Variants in PLEKHM2 observed in about 807,000 individuals in gnomAD.
PLEKHM2 encodes the protein pleckstrin homology and RUN domain containing M2.
PLEKHM2 carries 77 observed loss-of-function variants against 116.3 expected under a neutral mutation model. The observed-to-expected ratio is 0.66, with a 90% CI of 0.55 to 0.80. The LOEUF is 0.80. PLEKHM2 is among the 30% of genes least tolerant of loss of function. PLEKHM2 has a pLI of 0.00. For synonymous variants in PLEKHM2, 562 were observed against 571.0 expected (o/e 0.98, Z 0.22); for missense variants, 1,183 against 1,354.9 (o/e 0.87, Z 1.99).
intron 19 of PLEKHM2, among the ~76,000 whole-genome samples, chr1:15,733,149 G>C (rs370283574): frequency 6.6e-6 from 1 of 152,256 alleles, no homozygotes; most frequent in Admixed American, 6.5e-5. Flanking sequence ...AGAGGCCAAG[G>C]TGGGCATGTT....
intron 1 of PLEKHM2, among the ~76,000 whole-genome samples, chr1:15,714,633 A>G (rs915742161): frequency 1.3e-5 from 2 of 152,200 alleles, no homozygotes; most frequent in Non-Finnish European, 2.9e-5. Context: ...TGGGAGCTGA[A>G]TTGTTGGTCT....
intron 1 of PLEKHM2, among the ~76,000 whole-genome samples, chr1:15,703,107 G>A (rs952249428): frequency 2.0e-5 from 3 of 152,298 alleles, no homozygotes; most frequent in Admixed American, 6.5e-5. Context: ...ACACTCTTGT[G>A]TAAATAACGT....
Position 15,729,490 on chromosome 1 carries a change from G to A in PLEKHM2, c.2075+300G>A, listed in dbSNP as rs776108743. Among the ~76,000 whole-genome samples, 5 of 152,182 alleles carry A rather than the reference G, an allele frequency of 3.3e-5. No individual in the cohort carries two copies. The highest frequency in any genetic ancestry group is 7.4e-5 in the Non-Finnish European group (5 of 68,024). ...TGCTGGGCCAGGCGTGCCCTTGAAC[G>A]CCTGCATCCTTGTCGTGGCTCAAGG... is the stretch of plus-strand genomic sequence containing the variant. On this transcript the variant is annotated intron_variant, in intron 13 of 19. Coordinates refer to ENST00000375799, the MANE Select transcript of PLEKHM2 (RefSeq NM_015164.4). The surrounding 1 kb of genome is among the most constrained non-coding windows in gnomAD (Gnocchi z 4.7).
rs2068088829 is a variant in PLEKHM2, at chr1:15,728,007, C to T, written c.1761-72C>T. 2.2e-6 allele frequency: 3 copies of T among 1,347,042 alleles called. No homozygotes were observed. Among genetic ancestry groups the T allele is most frequent in the Non-Finnish European group, 3.1e-6 (3 of 956,670 alleles). 83.4% of individuals were successfully genotyped at this position (1,347,042 alleles called of 1,614,324 possible). ...GGGAGGCGGAGGCACTACCCCCTGG[C>T]TCTGGGGTGGGGTGTGGCCTCTCTC... On this transcript the variant is annotated intron_variant, in intron 9 of 19. Coordinates refer to ENST00000375799, the MANE Select transcript of PLEKHM2 (RefSeq NM_015164.4). The surrounding 1 kb of genome is among the most constrained non-coding windows in gnomAD (Gnocchi z 5.9).
At chr1:15,732,227 CGATCCCTGGAGGGA>C (rs1553161682) in intron 17 of PLEKHM2, 109 bp from the exon 18 acceptor site, 21 of 999,400 alleles carry the variant, frequency 2.1e-5, no homozygotes, top group East Asian at 5.2e-5. Flanking sequence ...CCTCTGCTCC[CGATCCCTGGAGGGA>C]GATCCCTGGA....
Position 15,719,956 on chromosome 1 carries a change from T to C in PLEKHM2, c.652+36T>C, listed in dbSNP as rs2067967918. The C allele has an allele frequency of 6.4e-7, 1 of 1,559,434 alleles. No individual in the cohort carries two copies. Among genetic ancestry groups the C allele is most frequent in the Non-Finnish European group, 8.8e-7 (1 of 1,140,690 alleles). On this transcript the variant is annotated intron_variant, in intron 6 of 19. Coordinates refer to ENST00000375799, the MANE Select transcript of PLEKHM2 (RefSeq NM_015164.4). The surrounding 1 kb of genome is among the most constrained non-coding windows in gnomAD (Gnocchi z 4.1). ...CCAGGGCAGAAAAGCTAAGCCCCTG[T>C]TGTGAAACAGACTTGAACTGCTTAA...
At chr1:15,722,388 C>T (rs527260934) in intron 7 of PLEKHM2, among the ~76,000 whole-genome samples, 1 of 152,336 alleles carries the variant, frequency 6.6e-6, no homozygotes, top group South Asian at 2.1e-4. Context: ...AGGTGATCCA[C>T]CCCACCTCAT....
In PLEKHM2 at chr1:15,731,873, T is replaced by G. The variant is rs1414950726; in HGVS notation, c.2466-16T>G. 6.2e-7 allele frequency: 1 copy of G among 1,605,904 alleles called. No individual in the cohort carries two copies. The highest frequency in any genetic ancestry group is 1.1e-5 in the South Asian group (1 of 90,130). ...TTGCCTCCTCGCTCCCGTTTCACCC[T>G]CCTCCTCTGGCCCAGGGGGGAGCAG... On this transcript the variant is annotated splice_polypyrimidine_tract_variant and intron_variant, in intron 16 of 19. Transcript: ENST00000375799.
Position 15,719,001 on chromosome 1 carries a change from A to G in PLEKHM2, c.465+376A>G, listed in dbSNP as rs902462785. Among the ~76,000 whole-genome samples, 1 of 152,168 alleles carries G rather than the reference A, an allele frequency of 6.6e-6. No individual in the cohort carries two copies. The highest frequency in any genetic ancestry group is 1.5e-5 in the Non-Finnish European group (1 of 68,026). ...GGTTCTGAAAAGTGTCATCAGCTCC[A>G]TGAAGAGCCTTCAGCCACCCTCTTC... On this transcript the variant is annotated intron_variant, in intron 5 of 19. Transcript: ENST00000375799. The surrounding 1 kb of genome is among the most constrained non-coding windows in gnomAD (Gnocchi z 4.1).
chr1:15,729,219 G>A lies in PLEKHM2; in HGVS notation c.2075+29G>A. The A allele has an allele frequency of 6.3e-7, 1 of 1,589,246 alleles. No individual in the cohort carries two copies. The highest frequency in any genetic ancestry group is 8.6e-7 in the Non-Finnish European group (1 of 1,165,296). Reference sequence around the variant, plus strand: ...AGTGGCAACCCCGCCCCTCTGGAAGGATTGGAGAGTTCGCAGCCGCCCATA... The same window carrying A: ...AGTGGCAACCCCGCCCCTCTGGAAGAATTGGAGAGTTCGCAGCCGCCCATA... On this transcript the variant is annotated intron_variant, in intron 13 of 19. Coordinates refer to ENST00000375799, the MANE Select transcript of PLEKHM2 (RefSeq NM_015164.4). This position sits in a 1 kb window ranked among gnomAD's most constrained non-coding sequence, Gnocchi z 4.7.
Position 15,707,724 on chromosome 1 carries a change from T to A in PLEKHM2, c.61-8513T>A, listed in dbSNP as rs555981695. ...CTTTTTTTAAAACTGACAAGACACATCCTCACTCGGGAGATGCCAGTGTGG... is the reference window on the plus strand; with the variant it reads ...CTTTTTTTAAAACTGACAAGACACAACCTCACTCGGGAGATGCCAGTGTGG... On this transcript the variant is annotated intron_variant, in intron 1 of 19. Transcript: ENST00000375799. Among the ~76,000 whole-genome samples the A allele has an allele frequency of 2.6e-5, 4 of 152,148 alleles. No individual in the cohort carries two copies. The South Asian group carries it at 8.3e-4, about 32-fold the overall frequency.
At chr1:15,700,432 G>T (rs1051112901) in intron 1 of PLEKHM2, among the ~76,000 whole-genome samples, 3 of 152,144 alleles carry the variant, frequency 2.0e-5, no homozygotes, top group African/African-American at 7.2e-5. Flanking sequence ...GTAGGACGCT[G>T]GCCAGAGCTA....
At chr1:15,714,549 G>C (rs188382751) in intron 1 of PLEKHM2, among the ~76,000 whole-genome samples, 3 of 152,248 alleles carry the variant, frequency 2.0e-5, no homozygotes, top group Non-Finnish European at 4.4e-5. Context: ...GACCCTGCAG[G>C]ACTGAGGTTT....
At position 15,719,303 on chromosome 1, in the gene PLEKHM2, T is replaced by C. The variant is rs1571054133; in HGVS notation, c.466-431T>C. 4.6e-5 allele frequency among the ~76,000 whole-genome samples: 7 copies of C among 152,036 alleles called. No homozygotes were observed. In the East Asian group the frequency reaches 1.4e-3, roughly 29 times the overall value. ...CGTCTCTACTAAAAAAATACAAAAG[T>C]TAGCGGGGTGTGGTGATGGGCGCCT... On this transcript the variant is annotated intron_variant, in intron 5 of 19. Coordinates refer to ENST00000375799, the MANE Select transcript of PLEKHM2 (RefSeq NM_015164.4). The surrounding 1 kb of genome is among the most constrained non-coding windows in gnomAD (Gnocchi z 4.1).
Position 15,721,319 on chromosome 1 carries a change from G to A in PLEKHM2, c.653-10G>A, listed in dbSNP as rs570990579. On this transcript the variant is annotated splice_polypyrimidine_tract_variant and intron_variant, in intron 6 of 19. Coordinates refer to ENST00000375799, the MANE Select transcript of PLEKHM2 (RefSeq NM_015164.4). The surrounding 1 kb of genome is among the most constrained non-coding windows in gnomAD (Gnocchi z 5.1). ...TTTCTAATCTTCAGTTTTGTCCCTC[G>A]TTTTTGTAGATTATGATTTTGGAGA... is the stretch of plus-strand genomic sequence containing the variant. 3.2e-6 allele frequency: 5 copies of A among 1,547,030 alleles called. No individual in the cohort carries two copies. The highest frequency in any genetic ancestry group is 4.4e-6 in the Non-Finnish European group (5 of 1,141,760).
At position 15,717,823 on chromosome 1, in the gene PLEKHM2, G is replaced by A; in HGVS notation, c.278-70G>A. On this transcript the variant is annotated intron_variant, in intron 3 of 19. Coordinates refer to ENST00000375799, the MANE Select transcript of PLEKHM2 (RefSeq NM_015164.4). ...TACCTGCTCTTTCTTTCCTTTCTGC[G>A]CTTGCTTGGCAAATAAAAGCCAGCA... 5 of 974,924 alleles carry A rather than the reference G, an allele frequency of 5.1e-6. No individual in the cohort carries two copies. In the South Asian group the frequency reaches 5.6e-5, roughly 11 times the overall value. 60.4% of individuals were successfully genotyped at this position (974,924 alleles called of 1,614,324 possible). A position where few individuals can be genotyped will look rare whatever the true frequency, so the allele number is the denominator to read the frequency against.
intron 1 of PLEKHM2, among the ~76,000 whole-genome samples, chr1:15,710,352 G>A (rs951565809): frequency 6.6e-6 from 1 of 151,974 alleles, no homozygotes; most frequent in African/African-American, 2.4e-5. Flanking sequence ...ATTTGAAACG[G>A]AGTCTCACTC....
intron 19 of PLEKHM2, 129 bp from the exon 20 acceptor site, chr1:15,733,668 C>A: frequency 2.0e-6 from 2 of 985,302 alleles, no homozygotes; most frequent in South Asian, 3.2e-5. Context: ...AAGATGTTCC[C>A]AGGGAGAGAT....
chr1:15,689,661 A>C (rs1640848936), intron 1 of PLEKHM2, among the ~76,000 whole-genome samples: 1 of 152,258 alleles, frequency 6.6e-6, no homozygotes, highest in African/African-American at 2.4e-5. Context: ...CCTTGCTTAC[A>C]GTCAGGCCTA....
Sources: gnomAD v4.1 joint callset for allele counts (sites outside exome capture counted in the v4.1 genomes callset) on GRCh38, gnomAD v4.1.1 for gene constraint, Gnocchi (gnomAD v3.1) non-coding constraint, MANE v1.5 for transcripts, NCBI Gene and HGNC (gene_info 2026-07-23, HGNC 2026-07-21) for gene names.